AGGF1: variants seen among roughly 807,000 people sequenced by gnomAD.
The protein encoded by AGGF1 is angiogenic factor with G-patch and FHA domains 1, also known as angiogenic factor with G patch and FHA domains 1.
AGGF1 carries 56 observed loss-of-function variants against 86.5 expected under a neutral mutation model. The observed-to-expected ratio is 0.65, with a 90% confidence interval of 0.52 to 0.81. The LOEUF is 0.81. AGGF1 is among the 30% of genes least tolerant of loss of function. The pLI is 0.00. For synonymous variants in AGGF1, 313 were observed against 297.1 expected, an observed-to-expected ratio of 1.05 and a Z score of -0.55; for missense variants, 816 against 850.9, an observed-to-expected ratio of 0.96 and a Z score of 0.51.
At chr5:77,049,253 T>G (rs534487523) in intron 8 of AGGF1, among the ~76,000 whole-genome samples, 65 of 152,332 alleles carry the variant, frequency 4.3e-4, no homozygotes, top group Middle Eastern at 6.8e-3. Flanking sequence ...ACCCACTTAA[T>G]GAATATTTAT....
Position 77,036,562 on chromosome 5 carries a change from G to C in AGGF1, c.523G>C (p.Ala175Pro). 1 of 1,614,064 alleles carries C rather than the reference G, an allele frequency of 6.2e-7. No homozygotes were observed. Among genetic ancestry groups the C allele is most frequent in the Non-Finnish European group, 8.5e-7 (1 of 1,179,970 alleles). Residue 175 changes from alanine (A) to proline (P), a missense_variant, in exon 4 of 14, where the codon GCA becomes CCA. Ala to Pro is a conservative substitution (Grantham distance 27, BLOSUM62 -1). This residue lies in a region of AGGF1 where 240 missense variants were observed against 234.4 expected (regional missense o/e 1.02). Coordinates refer to ENST00000312916, the MANE Select transcript of AGGF1 (RefSeq NM_018046.5). ...ATGACTATATCTTTTATAGGAGCCAGCATCTGCATTAGCAACAGAAGATAC... is the reference window on the plus strand; with the variant it reads ...ATGACTATATCTTTTATAGGAGCCACCATCTGCATTAGCAACAGAAGATAC... ...DHFASNSQEP[A>P]SALATEDTSL... is the part of the protein sequence containing the mutation.
intron 1 of AGGF1, among the ~76,000 whole-genome samples, chr5:77,032,252 T>TTAA (rs1347937817): frequency 9.3e-6 from 1 of 107,880 alleles, no homozygotes; most frequent in East Asian, 2.7e-4. Context: ...ACAAATATGG[T>TTAA]AAAAAAAAAA....
intron 8 of AGGF1, among the ~76,000 whole-genome samples, chr5:77,052,363 GTTTT>G (rs1277887969): frequency 6.6e-6 from 1 of 150,970 alleles, no homozygotes; most frequent in South Asian, 2.1e-4. Context: ...AAAAAAAAAA[GTTTT>G]TGATGATATG....
chr5:77,042,019 C>G (rs903507974), intron 5 of AGGF1, among the ~76,000 whole-genome samples: 26 of 150,776 alleles, frequency 1.7e-4, no homozygotes, highest in Non-Finnish European at 2.2e-4. Flanking sequence ...TGACTCTTAA[C>G]GAGCATGCTG....
intron 12 of AGGF1, among the ~76,000 whole-genome samples, chr5:77,061,143 A>G (rs530479876): frequency 6.6e-6 from 1 of 152,376 alleles, no homozygotes; most frequent in Non-Finnish European, 1.5e-5. Context: ...TAAGATTAAC[A>G]TATTGCAGAA....
chr5:77,055,312 T>C (rs1747440094), intron 10 of AGGF1, among the ~76,000 whole-genome samples: 1 of 152,196 alleles, frequency 6.6e-6, no homozygotes, highest in African/African-American at 2.4e-5. Flanking sequence ...TGGTTTTTGC[T>C]TTACTTCTCA....
At chr5:77,055,113 T>G (rs554278641) in intron 10 of AGGF1, among the ~76,000 whole-genome samples, 2 of 152,332 alleles carry the variant, frequency 1.3e-5, no homozygotes, top group African/African-American at 2.4e-5. Context: ...GATACTAATT[T>G]GAAAATGAAT....
chr5:77,045,998 A>G (rs2150731395), intron 5 of AGGF1, among the ~76,000 whole-genome samples: 1 of 152,364 alleles, frequency 6.6e-6, no homozygotes, highest in South Asian at 2.1e-4. Flanking sequence ...GCTATCCCAT[A>G]GTCCAGGCAG....
chr5:77,038,971 A>C (rs1346311683), intron 4 of AGGF1, among the ~76,000 whole-genome samples: 4 of 152,164 alleles, frequency 2.6e-5, no homozygotes, highest in Admixed American at 6.5e-5. Flanking sequence ...ATTGCATTTT[A>C]TAGAATGTTA....
At chr5:77,041,788 TATTTATTTATTTATTTATTTA>T (rs1561285612) in intron 5 of AGGF1, among the ~76,000 whole-genome samples, 2 of 130,052 alleles carry the variant, frequency 1.5e-5, no homozygotes, top group South Asian at 2.3e-4. Context: ...GAACTTTTTT[TATTTATTTATTTATTTATTTA>T]TTTATTTTTA....
Position 77,036,593 on chromosome 5 carries a change from T to C in AGGF1, c.554T>C (p.Leu185Ser), listed in dbSNP as rs761396339. The change falls in exon 4 of 14, where the codon TTA (leucine) becomes TCA (serine). Residue 185 changes from leucine (L) to serine (S), a missense_variant. Leu to Ser is a moderately radical substitution (Grantham distance 145, BLOSUM62 -2). This residue lies in a region of AGGF1 where 240 missense variants were observed against 234.4 expected (regional missense o/e 1.02). Coordinates refer to ENST00000312916, the MANE Select transcript of AGGF1 (RefSeq NM_018046.5). The part of the protein sequence containing the change: ...ASALATEDTS[L>S]EGSSLAESLR... ...GCATTAGCAACAGAAGATACCTCCT[T>C]AGAAGGCTCATCATTAGCTGAAAGT... 5 of 1,614,144 alleles carry C rather than the reference T, an allele frequency of 3.1e-6. No individual in the cohort carries two copies. The East Asian group carries it at 1.1e-4, about 36-fold the overall frequency.
chr5:77,038,138 T>C (rs1746999249), intron 4 of AGGF1, among the ~76,000 whole-genome samples: 1 of 152,232 alleles, frequency 6.6e-6, no homozygotes, highest in Non-Finnish European at 1.5e-5. Context: ...GAGGTGTCAT[T>C]AGTTTGTCAA....
rs1034019717 is a variant in AGGF1, at chr5:77,062,960, A to T, written c.1945-92A>T. ...TTTTCTTTTGCATCAATCTTTAATA[A>T]ATCAAAAAATTGTAGAGTCCTAAGT... On this transcript the variant is annotated intron_variant, in intron 13 of 13. Transcript: ENST00000312916. 15 of 1,366,554 alleles carry T rather than the reference A, an allele frequency of 1.1e-5. No individual in the cohort carries two copies. The African/African-American group carries it at 2.2e-4, about 20-fold the overall frequency. 84.7% of individuals were successfully genotyped at this position (1,366,554 alleles called of 1,614,324 possible). A position where few individuals can be genotyped will look rare whatever the true frequency, so the allele number is the denominator to read the frequency against.
Position 77,042,577 on chromosome 5 carries a change from G to A in AGGF1, c.870+2858G>A, listed in dbSNP as rs1307534637. Among the ~76,000 whole-genome samples the A allele has an allele frequency of 3.1e-5, 2 of 65,342 alleles. 1 individual carries two copies. The highest frequency in any genetic ancestry group is 3.0e-4 in the Admixed American group (2 of 6,652). The allele number at this position is 65,342 out of a possible 152,430, so 42.9% of individuals were successfully genotyped here. A position where few individuals can be genotyped will look rare whatever the true frequency, so the allele number is the denominator to read the frequency against. On this transcript the variant is annotated intron_variant, in intron 5 of 13. Transcript: ENST00000312916. ...CCCGGACGGGGCGGCTGGCCGGGCGGGGGGGCTGACCCCCCCCCACCTCCC... is the reference window on the plus strand; with the variant it reads ...CCCGGACGGGGCGGCTGGCCGGGCGAGGGGGCTGACCCCCCCCCACCTCCC...
rs1285675618 is a variant in AGGF1 at position 77,063,164 on chromosome 5, G to A, written c.2057G>A (p.Arg686Gln). Residue 686 changes from arginine to glutamine, a missense_variant, in exon 14 of 14, where the codon CGA becomes CAA. Around this residue, in one of 3 missense-constraint regions of AGGF1, gnomAD observed 565 missense variants for 585.8 expected, o/e 0.96. Transcript: ENST00000312916. ...AACAAAAAAAACTGGGACAAAGCAC[G>A]AGAGCGGTTTACTGAAAACTTCCCA... ...NKNKKNWDKA[R>Q]ERFTENFPET... is the part of the protein sequence containing the mutation. 1.7e-5 allele frequency: 27 copies of A among 1,613,802 alleles called. No individual in the cohort carries two copies. Among genetic ancestry groups the A allele is most frequent in the Non-Finnish European group, 2.2e-5 (26 of 1,179,922 alleles).
At chr5:77,058,169 T>C (rs1314921981) in intron 11 of AGGF1, among the ~76,000 whole-genome samples, 1 of 152,238 alleles carries the variant, frequency 6.6e-6, no homozygotes, top group African/African-American at 2.4e-5. Flanking sequence ...CATCTCATTG[T>C]ACACTAACTA....
At chr5:77,059,922 A>G (rs1747525253) in intron 12 of AGGF1, among the ~76,000 whole-genome samples, 179 bp downstream of exon 12, 1 of 151,824 alleles carries the variant, frequency 6.6e-6, no homozygotes, top group Non-Finnish European at 1.5e-5. Flanking sequence ...GCTCACTGCA[A>G]CCTCCATCTC....
chr5:77,048,827 C>A (rs926722946), intron 7 of AGGF1, 109 bp from the exon 8 acceptor site: 39 of 1,029,484 alleles, frequency 3.8e-5, no homozygotes, highest in Non-Finnish European at 5.6e-5. Context: ...AGGAGATTTA[C>A]TGTTGATAGA....
At chr5:77,060,594 A>G (rs941851796) in intron 12 of AGGF1, among the ~76,000 whole-genome samples, 3 of 152,134 alleles carry the variant, frequency 2.0e-5, no homozygotes, top group African/African-American at 7.2e-5. Flanking sequence ...ATAAATTTTG[A>G]GTTTAGTTAA....
Sources: gnomAD v4.1 joint callset for allele counts (sites outside exome capture counted in the v4.1 genomes callset) on GRCh38, gnomAD v4.1.1 for gene constraint, gnomAD v4.1.1 regional missense constraint, MANE v1.5 for transcripts, NCBI Gene and HGNC (gene_info 2026-07-23, HGNC 2026-07-21) for gene names.